TRPC4AP: variants seen among roughly 807,000 people sequenced by gnomAD.
TRPC4AP encodes the protein short transient receptor potential channel 4-associated protein.
In TRPC4AP, 45 loss-of-function variants were observed where a neutral mutation model predicts 99.0. The ratio of observed to expected loss-of-function variants is 0.45; its 90% CI spans 0.36 to 0.58. TRPC4AP has a LOEUF of 0.58. Ranked by LOEUF, TRPC4AP falls within the 20% of genes least tolerant of loss-of-function variation. TRPC4AP has a pLI of 0.00. For missense variants in TRPC4AP, 879 were observed against 985.3 expected, an observed-to-expected ratio of 0.89 and a Z score of 1.44; for synonymous variants, 408 against 385.8, an observed-to-expected ratio of 1.06 and a Z score of -0.67.
chr20:35,088,289 A>C (rs1465533386), intron 1 of TRPC4AP, among the ~76,000 whole-genome samples: 1 of 152,228 alleles, frequency 6.6e-6, no homozygotes, highest in African/African-American at 2.4e-5. Context: ...AGATTAAATA[A>C]CTTGCCTAAA....
chr20:35,056,555 G>T (rs6120816), intron 4 of TRPC4AP, among the ~76,000 whole-genome samples: 1 of 151,760 alleles, frequency 6.6e-6, no homozygotes, highest in South Asian at 2.1e-4. Context: ...ACAGTATGTC[G>T]TATTGGGGTA....
At chr20:35,006,357 T>C in intron 15 of TRPC4AP, 78 bp downstream of exon 15, 1 of 1,562,224 alleles carries the variant, frequency 6.4e-7, no homozygotes, top group Non-Finnish European at 8.7e-7. Flanking sequence ...AACCTGTGCC[T>C]AAAGCCTGGC....
At chr20:35,032,412 C>T (rs187040768) in intron 8 of TRPC4AP, among the ~76,000 whole-genome samples, 59 of 150,798 alleles carry the variant, frequency 3.9e-4, no homozygotes, top group East Asian at 1.9e-4. Flanking sequence ...CTCTATTTAA[C>T]GACACATTAT....
chr20:35,050,526 C>T (rs2147377375), intron 5 of TRPC4AP, among the ~76,000 whole-genome samples: 1 of 151,692 alleles, frequency 6.6e-6, no homozygotes, highest in South Asian at 2.1e-4. Context: ...ACCAGCCTGG[C>T]CAACGTGCCA....
intron 1 of TRPC4AP, among the ~76,000 whole-genome samples, chr20:35,085,878 G>A (rs1052153337): frequency 2.0e-5 from 3 of 152,010 alleles, no homozygotes; most frequent in Non-Finnish European, 2.9e-5. Flanking sequence ...ATAACTAAAG[G>A]CTAAATTCCA....
chr20:35,033,034 T>G (rs1307298030), intron 8 of TRPC4AP, among the ~76,000 whole-genome samples: 1 of 151,938 alleles, frequency 6.6e-6, no homozygotes, highest in East Asian at 1.9e-4. Context: ...CTTTCTCTAC[T>G]AAAATACAAA....
At chr20:35,083,745 C>T (rs1015053069) in intron 1 of TRPC4AP, among the ~76,000 whole-genome samples, 3 of 149,776 alleles carry the variant, frequency 2.0e-5, no homozygotes, top group African/African-American at 7.4e-5. Context: ...CTCCCATGTA[C>T]TCTTTCTTGG....
chr20:35,084,791 ATATT>A (rs2084790857), intron 1 of TRPC4AP, among the ~76,000 whole-genome samples: 1 of 150,728 alleles, frequency 6.6e-6, no homozygotes. Flanking sequence ...GGGTATATGT[ATATT>A]TATCCTTCAA....
chr20:35,076,947 G>A (rs767414070), intron 2 of TRPC4AP, among the ~76,000 whole-genome samples: 5 of 152,102 alleles, frequency 3.3e-5, no homozygotes, highest in Admixed American at 1.3e-4. Flanking sequence ...GTTTACCTAC[G>A]CAAGTCTCAG....
At chr20:35,079,317 A>T (rs2084564245) in intron 1 of TRPC4AP, among the ~76,000 whole-genome samples, 1 of 152,196 alleles carries the variant, frequency 6.6e-6, no homozygotes, top group African/African-American at 2.4e-5. Context: ...TGGCAAATCA[A>T]CTCTTACAGT....
In TRPC4AP at chr20:35,003,318, A is replaced by G. The variant is rs777811744; in HGVS notation, c.2257-35T>C. ...GAGGGAGGGGCTGGGGGGCGCCTGG[A>G]GGACCCAGGTCAAGCCCAGCACCGG... On this transcript the variant is annotated intron_variant, in intron 18 of 18. Coordinates refer to ENST00000252015, the MANE Select transcript of TRPC4AP (RefSeq NM_015638.3). 3.1e-6 allele frequency: 5 copies of G among 1,613,560 alleles called. No homozygotes were observed. The East Asian group carries it at 1.1e-4, about 36-fold the overall frequency.
rs576388372 is a variant in TRPC4AP, at chr20:35,079,488, A to T, written c.169-1314T>A. On this transcript the variant is annotated intron_variant, in intron 1 of 18. Coordinates refer to ENST00000252015, the MANE Select transcript of TRPC4AP (RefSeq NM_015638.3). ...GCTTCTACCTTAGTAAACTACAGAA[A>T]GAGCAGTTTAAGCCTACAGCAAACA... is the stretch of plus-strand genomic sequence containing the variant. Among the ~76,000 whole-genome samples the T allele has an allele frequency of 6.6e-5, 10 of 152,346 alleles. No individual in the cohort carries two copies. In the South Asian group the frequency reaches 2.1e-3, roughly 32 times the overall value.
At chr20:35,057,469 C>T (rs772305900) in intron 4 of TRPC4AP, 45 bp downstream of exon 4, 22 of 1,517,444 alleles carry the variant, frequency 1.4e-5, no homozygotes, top group South Asian at 9.2e-5. Flanking sequence ...GCCACCGTAT[C>T]GGCAGGTTGG....
At chr20:35,060,384 T>C (rs2038504) in intron 3 of TRPC4AP, among the ~76,000 whole-genome samples, 60,140 of 151,774 alleles carry the variant, frequency 0.4, 13,035 homozygotes, top group East Asian at 0.59. Context: ...CCCAAGAGTA[T>C]GCAACCAGCC....
intron 5 of TRPC4AP, 130 bp from the exon 6 acceptor site, chr20:35,050,124 G>A: frequency 1.0e-6 from 1 of 1,004,240 alleles, no homozygotes; most frequent in Non-Finnish European, 1.4e-6. Context: ...AAACAGGAAT[G>A]GCATGGCTTA....
intron 2 of TRPC4AP, among the ~76,000 whole-genome samples, chr20:35,073,929 T>C (rs1334297171): frequency 6.6e-6 from 1 of 152,218 alleles, no homozygotes; most frequent in Non-Finnish European, 1.5e-5. Context: ...GGCTATTAAT[T>C]ATTGCCTCAA....
At position 35,002,522 on chromosome 20, in the gene TRPC4AP, G is replaced by A. The variant is rs1600486893; in HGVS notation, c.*624C>T. The A allele has an allele frequency of 4.0e-6, 1 of 247,868 alleles. No homozygotes were observed. The highest frequency in any genetic ancestry group is 7.6e-5 in the East Asian group (1 of 13,086). The allele number at this position is 247,868 out of a possible 1,614,324, so 15.4% of individuals were successfully genotyped here. A position where few individuals can be genotyped will look rare whatever the true frequency, so the allele number is the denominator to read the frequency against. On this transcript the variant is annotated 3_prime_UTR_variant, in exon 19 of 19. Coordinates refer to ENST00000252015, the MANE Select transcript of TRPC4AP (RefSeq NM_015638.3). ...GCTCAGGCAGGAGCGGCTGCCTCAG[G>A]CAGAGGCAGGGCAGGCACAGCTGCC...
intron 3 of TRPC4AP, among the ~76,000 whole-genome samples, chr20:35,062,354 T>G (rs2084028127): frequency 6.6e-6 from 1 of 152,186 alleles, no homozygotes; most frequent in Non-Finnish European, 1.5e-5. Context: ...ACCTAAAAAT[T>G]TATATGCCAA....
At chr20:35,014,823 G>C (rs1036130722) in intron 10 of TRPC4AP, among the ~76,000 whole-genome samples, 1 of 152,108 alleles carries the variant, frequency 6.6e-6, no homozygotes, top group Non-Finnish European at 1.5e-5. Flanking sequence ...CCGACTAGCC[G>C]GGGGGCCAAT....
Sources: gnomAD v4.1 joint callset for allele counts (sites outside exome capture counted in the v4.1 genomes callset) on GRCh38, gnomAD v4.1.1 for gene constraint, MANE v1.5 for transcripts, NCBI Gene and HGNC (gene_info 2026-07-23, HGNC 2026-07-21) for gene names.